Variants in NME8 observed in about 807,000 individuals in gnomAD.
NME8 encodes the protein NME/NM23 family member 8, also known as protein NME8.
Under a neutral mutation model 82.3 loss-of-function variants are expected in NME8, and 72 were observed. That is an observed-to-expected ratio of 0.87 (90% confidence interval 0.72 to 1.06). The LOEUF (loss-of-function observed/expected upper bound fraction) is 1.06, where lower values mean the gene tolerates loss of function less well. Ranked by LOEUF, NME8 falls within the 50% of genes least tolerant of loss-of-function variation. The pLI, the probability that NME8 is intolerant of heterozygous loss-of-function variation, is 0.00. For missense variants in NME8, 712 were observed against 685.4 expected (o/e 1.04, Z -0.43); for synonymous variants, 267 against 228.5 (o/e 1.17, Z -1.52).
At position 37,896,969 on chromosome 7, in the gene NME8, C is replaced by G. The variant is rs765674664; in HGVS notation, c.1644C>G (p.Ser548=). The G allele has an allele frequency of 1.1e-5, 18 of 1,613,794 alleles. No homozygotes were observed. The South Asian group carries it at 1.9e-4, about 17-fold the overall frequency. The change falls in exon 17 of 18, where the codon TCC becomes TCG. Residue 548 remains serine, a synonymous_variant. Transcript: ENST00000199447. The stretch of plus-strand genomic sequence containing the variant: ...ACCCAGAAGAAGCAAAATTACTTTC[C>G]CCTGACTCCATCCGAGCCCAGTTTG... ...PTDPEEAKLL[S]PDSIRAQFGI... is the part of the protein sequence containing the mutation.
chr7:37,885,427 G>A (rs1222386083), intron 14 of NME8, among the ~76,000 whole-genome samples, 175 bp downstream of exon 14: 1 of 152,214 alleles, frequency 6.6e-6, no homozygotes, highest in Non-Finnish European at 1.5e-5. Flanking sequence ...GTGACAGCCT[G>A]AGGATGGCCA....
At chr7:37,849,683 C>T (rs1427582799) in intron 2 of NME8, among the ~76,000 whole-genome samples, 2 of 152,018 alleles carry the variant, frequency 1.3e-5, no homozygotes, top group Non-Finnish European at 2.9e-5. Flanking sequence ...TCCTGGTTAA[C>T]ACGGTGAAAT....
At chr7:37,893,459 CTACT>C (rs1381226350) in intron 15 of NME8, among the ~76,000 whole-genome samples, 1 of 152,170 alleles carries the variant, frequency 6.6e-6, no homozygotes, top group Non-Finnish European at 1.5e-5. Context: ...AATCCTTCTT[CTACT>C]TACTTGGCCA....
chr7:37,882,842 A>G (rs1784984491), intron 12 of NME8, among the ~76,000 whole-genome samples: 1 of 152,188 alleles, frequency 6.6e-6, no homozygotes, highest in South Asian at 2.1e-4. Context: ...AATGCTTGAA[A>G]GGATGTTTGA....
intron 14 of NME8, among the ~76,000 whole-genome samples, chr7:37,887,618 A>G (rs1042417209): frequency 1.4e-4 from 22 of 152,110 alleles, no homozygotes; most frequent in Admixed American, 6.6e-4. Flanking sequence ...CAAGGATTCT[A>G]CCCTCTGAGC....
At chr7:37,861,442 T>C (rs1297475017) in intron 6 of NME8, among the ~76,000 whole-genome samples, 2 of 152,350 alleles carry the variant, frequency 1.3e-5, no homozygotes, top group East Asian at 3.9e-4. Context: ...GTGATCTCTT[T>C]GACCAAAACC....
intron 6 of NME8, among the ~76,000 whole-genome samples, chr7:37,861,520 A>G (rs1220786982): frequency 6.6e-6 from 1 of 152,044 alleles, no homozygotes. Flanking sequence ...GCTGTTTCAC[A>G]TGTTTGTGTT....
chr7:37,895,370 A>T (rs1785209012), intron 16 of NME8, among the ~76,000 whole-genome samples: 1 of 151,908 alleles, frequency 6.6e-6, no homozygotes, highest in Non-Finnish European at 1.5e-5. Flanking sequence ...ATTTCATTTG[A>T]CTCTTATAAT....
intron 16 of NME8, among the ~76,000 whole-genome samples, chr7:37,896,027 ACACACACACATG>A (rs1451768841): frequency 6.6e-6 from 1 of 152,144 alleles, no homozygotes; most frequent in African/African-American, 2.4e-5. Flanking sequence ...GACTGTACAT[ACACACACACATG>A]CACACACACA....
rs765634843 is a variant in NME8 at position 37,876,996 on chromosome 7, A to G, written c.983A>G (p.His328Arg). 7 of 1,612,268 alleles carry G rather than the reference A, an allele frequency of 4.3e-6. No individual in the cohort carries two copies. In the East Asian group the frequency reaches 1.6e-4, roughly 36 times the overall value. ...GCATTACTTCGACCAAATCTCTTTC[A>G]TGAAAGGAAAGGTAGGGAATCAAGC... ...TLALLRPNLF[H>R]ERKDDVLRII... The change falls in exon 12 of 18, where the codon CAT becomes CGT. Residue 328 changes from histidine (H) to arginine (R), a missense_variant. By Grantham distance (29) the His-to-Arg change is conservative. Transcript: ENST00000199447.
chr7:37,883,363 A>G (rs1219377144), intron 12 of NME8, among the ~76,000 whole-genome samples: 1 of 152,198 alleles, frequency 6.6e-6, no homozygotes, highest in East Asian at 1.9e-4. Flanking sequence ...TTCAAGAGCT[A>G]TATATCCTGT....
At chr7:37,872,139 T>C (rs952673193) in intron 11 of NME8, among the ~76,000 whole-genome samples, 1 of 151,796 alleles carries the variant, frequency 6.6e-6, no homozygotes, top group Non-Finnish European at 1.5e-5. Flanking sequence ...AACAGACTTG[T>C]GGACTTCACT....
At chr7:37,882,986 C>T (rs1290121017) in intron 12 of NME8, among the ~76,000 whole-genome samples, 2 of 152,086 alleles carry the variant, frequency 1.3e-5, no homozygotes, top group Non-Finnish European at 2.9e-5. Flanking sequence ...TCAATTTATC[C>T]GTTGGACGGT....
chr7:37,864,415 A>T lies in NME8; in HGVS notation c.522A>T (p.Lys174Asn). The T allele has an allele frequency of 6.4e-7, 1 of 1,573,812 alleles. No homozygotes were observed. Among genetic ancestry groups the T allele is most frequent in the Non-Finnish European group, 8.7e-7 (1 of 1,148,344 alleles). ...AVISKKVLEI[K>N]RKITKAGFII... ...TTAGTAAAAAAGTTCTAGAAATTAA[A>T]AGAAAAGTAAGTAATATTTTCCAAC... Residue 174 changes from lysine (K) to asparagine (N), a missense_variant, in exon 9 of 18, where the codon AAA (lysine) becomes AAT (asparagine). By Grantham distance (94) the Lys-to-Asn change is moderately conservative. Coordinates refer to ENST00000199447, the MANE Select transcript of NME8 (RefSeq NM_016616.5).
intron 11 of NME8, among the ~76,000 whole-genome samples, chr7:37,873,317 G>A (rs112359376): frequency 0.24 from 35,013 of 143,110 alleles, 4,685 homozygotes; most frequent in East Asian, 0.39. Context: ...CCAAAATTGC[G>A]CCACTGCACT....
chr7:37,882,635 G>GAA lies in NME8; in HGVS notation c.995-1666_995-1665dup, dbSNP rs1165140097. Among the ~76,000 whole-genome samples the GAA allele has an allele frequency of 3.2e-4, 20 of 62,218 alleles. 3 individuals are homozygous for GAA. In the East Asian group the frequency reaches 0.013, roughly 40 times the overall value. 40.8% of individuals were successfully genotyped at this position (62,218 alleles called of 152,430 possible). On this transcript the variant is annotated intron_variant, in intron 12 of 17. Coordinates refer to ENST00000199447, the MANE Select transcript of NME8 (RefSeq NM_016616.5). ...AGAGAGAAAGAAAGAAAGAAAGAAA[G>GAA]AAAGAAAGAGAAAGAAAGAAAGAGA...
intron 13 of NME8, 101 bp downstream of exon 13, chr7:37,884,548 T>C (rs1269371722): frequency 3.0e-6 from 3 of 985,136 alleles, no homozygotes; most frequent in Non-Finnish European, 4.8e-6. Context: ...TCCTCAAGTC[T>C]GTAAACATGT....
At chr7:37,872,319 G>A (rs1784780306) in intron 11 of NME8, among the ~76,000 whole-genome samples, 1 of 152,090 alleles carries the variant, frequency 6.6e-6, no homozygotes, top group Non-Finnish European at 1.5e-5. Flanking sequence ...CAACTACAGG[G>A]TTTCCAACAC....
At chr7:37,878,097 T>C (rs1052961022) in intron 12 of NME8, among the ~76,000 whole-genome samples, 2 of 152,224 alleles carry the variant, frequency 1.3e-5, no homozygotes, top group Non-Finnish European at 1.5e-5. Flanking sequence ...CCACTAAGTA[T>C]GTTAGCTGTG....
Sources: allele counts gnomAD v4.1 joint callset (sites outside exome capture counted in the v4.1 genomes callset), GRCh38; gene constraint gnomAD v4.1.1; transcripts MANE v1.5; gene names NCBI Gene and HGNC (gene_info 2026-07-23, HGNC 2026-07-21).